The following JAZF1 variants were observed in gnomAD, a reference collection of about 807,000 sequenced individuals.
JAZF1 encodes JAZF zinc finger 1, also known as juxtaposed with another zinc finger protein 1.
JAZF1 carries 8 observed loss-of-function variants against 26.4 expected under a neutral mutation model. The ratio of observed to expected loss-of-function variants is 0.30; its 90% CI spans 0.18 to 0.55. The LOEUF (loss-of-function observed/expected upper bound fraction) is 0.55. Among genes scored for constraint, JAZF1 ranks in the 20% least tolerant of loss-of-function variants. The pLI is 0.94. For synonymous variants in JAZF1, 126 were observed against 122.3 expected, an observed-to-expected ratio of 1.03 and a Z score of -0.20; for missense variants, 199 against 322.0, an observed-to-expected ratio of 0.62 and a Z score of 2.92.
At chr7:27,916,989 A>T (rs1215807902) in intron 2 of JAZF1, among the ~76,000 whole-genome samples, 2 of 152,212 alleles carry the variant, frequency 1.3e-5, no homozygotes, top group African/African-American at 4.8e-5. Flanking sequence ...CTGAAATTCC[A>T]GTACTTTGGG....
At chr7:28,166,235 T>C (rs1033514986) in intron 1 of JAZF1, among the ~76,000 whole-genome samples, 1 of 152,194 alleles carries the variant, frequency 6.6e-6, no homozygotes, top group South Asian at 2.1e-4. Context: ...CTAAAAATGA[T>C]TTCAAGTGAT....
At chr7:28,066,001 G>T (rs1027830502) in intron 1 of JAZF1, among the ~76,000 whole-genome samples, 1 of 152,148 alleles carries the variant, frequency 6.6e-6, no homozygotes, top group African/African-American at 2.4e-5. Context: ...AAATGTTCAC[G>T]AGAGGACTAC....
chr7:27,912,204 G>T (rs2128345625), intron 2 of JAZF1, among the ~76,000 whole-genome samples: 1 of 152,216 alleles, frequency 6.6e-6, no homozygotes, highest in Non-Finnish European at 1.5e-5. Flanking sequence ...CTCTAACATT[G>T]GTACCCGCTG....
intron 1 of JAZF1, among the ~76,000 whole-genome samples, chr7:28,166,120 A>G (rs191626268): frequency 6.6e-6 from 1 of 152,074 alleles, no homozygotes; most frequent in East Asian, 1.9e-4. Context: ...TTACATATAT[A>G]TATATATAAA....
chr7:27,836,024 G>C, intron 4 of JAZF1, among the ~76,000 whole-genome samples: 1 of 152,172 alleles, frequency 6.6e-6, no homozygotes, highest in Non-Finnish European at 1.5e-5. Context: ...CCTAGAGAAG[G>C]TGAGTGACTT....
At chr7:27,987,119 G>A (rs1303350389) in intron 2 of JAZF1, among the ~76,000 whole-genome samples, 11 of 150,072 alleles carry the variant, frequency 7.3e-5, no homozygotes, top group South Asian at 6.3e-4. Context: ...GCCACCCATC[G>A]TCTGGGATGT....
chr7:27,986,116 A>T (rs1785700088), intron 2 of JAZF1, among the ~76,000 whole-genome samples: 1 of 152,242 alleles, frequency 6.6e-6, no homozygotes, highest in Non-Finnish European at 1.5e-5. Context: ...TGGCCAGGGC[A>T]ATCAGGCAAG....
chr7:27,835,770 C>G (rs1325885364), intron 4 of JAZF1, among the ~76,000 whole-genome samples: 1 of 152,056 alleles, frequency 6.6e-6, no homozygotes, highest in Admixed American at 6.5e-5. Flanking sequence ...AAAAGATCCA[C>G]CAAAGTTTAT....
chr7:28,130,777 C>T (rs1460216073), intron 1 of JAZF1, among the ~76,000 whole-genome samples: 4 of 152,152 alleles, frequency 2.6e-5, no homozygotes, highest in African/African-American at 7.2e-5. Flanking sequence ...AAAGGGTGCT[C>T]GCTCACTATT....
chr7:27,931,607 G>A (rs1473213010), intron 2 of JAZF1, among the ~76,000 whole-genome samples: 2 of 152,194 alleles, frequency 1.3e-5, no homozygotes, highest in Non-Finnish European at 2.9e-5. Flanking sequence ...CTGAGGGTCA[G>A]GAGTTTGAGA....
At chr7:28,108,262 G>A (rs1784585863) in intron 1 of JAZF1, among the ~76,000 whole-genome samples, 1 of 152,062 alleles carries the variant, frequency 6.6e-6, no homozygotes, top group African/African-American at 2.4e-5. Context: ...TGCCCCGATT[G>A]GATTAACCTT....
chr7:28,108,813 G>A (rs867765194), intron 1 of JAZF1, among the ~76,000 whole-genome samples: 17 of 152,150 alleles, frequency 1.1e-4, no homozygotes, highest in Admixed American at 2.6e-4. Context: ...AGTGTCCATC[G>A]ATGGATAAAC....
chr7:28,157,801 C>T (rs780322182), intron 1 of JAZF1, among the ~76,000 whole-genome samples: 3 of 152,154 alleles, frequency 2.0e-5, no homozygotes, highest in African/African-American at 2.4e-5. Flanking sequence ...CCTACATACA[C>T]AAAATCACAT....
intron 1 of JAZF1, among the ~76,000 whole-genome samples, chr7:28,041,245 G>C (rs959085261): frequency 6.6e-6 from 1 of 152,202 alleles, no homozygotes; most frequent in Non-Finnish European, 1.5e-5. Context: ...ATGGGTGTGA[G>C]TGCACGAGTG....
intron 3 of JAZF1, among the ~76,000 whole-genome samples, chr7:27,845,185 T>A (rs1303349729): frequency 6.6e-6 from 1 of 152,208 alleles, no homozygotes; most frequent in Admixed American, 6.5e-5. Context: ...TATAAGCAGT[T>A]GGGGCAGGAC....
At chr7:28,075,065 T>C (rs1479223497) in intron 1 of JAZF1, among the ~76,000 whole-genome samples, 1 of 152,186 alleles carries the variant, frequency 6.6e-6, no homozygotes, top group Non-Finnish European at 1.5e-5. Flanking sequence ...GAAGAGGTTA[T>C]GGGCATGTCG....
At chr7:28,068,329 G>C (rs1267000800) in intron 1 of JAZF1, among the ~76,000 whole-genome samples, 2 of 150,940 alleles carry the variant, frequency 1.3e-5, no homozygotes, top group Non-Finnish European at 2.9e-5. Flanking sequence ...AATACAAAAA[G>C]GATATGTAAT....
intron 3 of JAZF1, among the ~76,000 whole-genome samples, chr7:27,867,495 T>C (rs753880354): frequency 1.3e-5 from 2 of 152,234 alleles, no homozygotes; most frequent in African/African-American, 2.4e-5. Context: ...ATGAGAGTAC[T>C]TCTGATTTTT....
intron 1 of JAZF1, among the ~76,000 whole-genome samples, chr7:28,109,569 A>G (rs563192253): frequency 1.4e-4 from 22 of 152,202 alleles, no homozygotes; most frequent in Non-Finnish European, 2.4e-4. Flanking sequence ...AGCACTTCCA[A>G]TTATACCATC....
Sources: allele counts gnomAD v4.1 joint callset (sites outside exome capture counted in the v4.1 genomes callset), GRCh38; gene constraint gnomAD v4.1.1; transcripts MANE v1.5; gene names NCBI Gene and HGNC (gene_info 2026-07-23, HGNC 2026-07-21).